The following RBFOX1 variants were observed in gnomAD, a reference collection of about 807,000 sequenced individuals.
The protein encoded by RBFOX1 is RNA binding fox-1 homolog 1.
RBFOX1 carries 8 observed loss-of-function variants against 57.7 expected under a neutral mutation model. The ratio of observed to expected loss-of-function variants is 0.14; its 90% CI spans 0.08 to 0.25. RBFOX1 has a LOEUF of 0.25. Ranked by LOEUF, RBFOX1 falls within the 10% of genes least tolerant of loss-of-function variation. The probability of loss-of-function intolerance (pLI) is 1.00; values close to 1 mark genes in which losing one functional copy is unlikely to be tolerated. For synonymous variants in RBFOX1, 326 were observed against 222.4 expected (o/e 1.47, Z -4.15); for missense variants, 611 against 548.5 (o/e 1.11, Z -1.14).
chr16:6,544,157 C>A (rs2096862765), intron 2 of RBFOX1, among the ~76,000 whole-genome samples: 1 of 152,156 alleles, frequency 6.6e-6, no homozygotes, highest in African/African-American at 2.4e-5. Context: ...CGAGTAACTT[C>A]CACGGTGCTC....
chr16:5,786,406 G>T (rs1343242964), intron 3 of RBFOX1, among the ~76,000 whole-genome samples: 1 of 151,970 alleles, frequency 6.6e-6, no homozygotes, highest in Non-Finnish European at 1.5e-5. Flanking sequence ...GCTGCTTCTT[G>T]GTGTGTCTCT....
chr16:7,542,425 C>G (rs2083195917), intron 5 of RBFOX1, among the ~76,000 whole-genome samples: 1 of 151,832 alleles, frequency 6.6e-6, no homozygotes, highest in Non-Finnish European at 1.5e-5. Flanking sequence ...GTTGATTTAC[C>G]CAAACGGGTG....
chr16:6,191,192 C>G (rs1488237216), intron 1 of RBFOX1, among the ~76,000 whole-genome samples: 2 of 148,010 alleles, frequency 1.4e-5, no homozygotes, highest in African/African-American at 5.0e-5. Context: ...GCCTCCATTG[C>G]TGAACTTGGC....
rs964042571 is a variant in RBFOX1 at position 6,251,556 on chromosome 16, T to C, written c.-126-65439T>C. Among the ~76,000 whole-genome samples the C allele has an allele frequency of 2.0e-5, 3 of 151,926 alleles. 1 individual carries two copies. The highest frequency in any genetic ancestry group is 4.2e-4 in the South Asian group (2 of 4,806). ...CAGTATGATAGAAAAATATACTGCT[T>C]TGCTAAAGCCTCCCCCTACCCCTTG... On this transcript the variant is annotated intron_variant, in intron 1 of 15. Transcript: ENST00000550418.
chr16:7,058,660 G>A (rs1263287080), intron 4 of RBFOX1, among the ~76,000 whole-genome samples: 1 of 152,070 alleles, frequency 6.6e-6, no homozygotes, highest in Non-Finnish European at 1.5e-5. Context: ...TGCATATGAG[G>A]TTGTTAGAAA....
chr16:5,768,647 T>A (rs1406885379), intron 3 of RBFOX1, among the ~76,000 whole-genome samples: 4 of 152,174 alleles, frequency 2.6e-5, no homozygotes, highest in Admixed American at 2.6e-4. Flanking sequence ...TTCTGTGCAT[T>A]CCTCTTGCAT....
intron 2 of RBFOX1, among the ~76,000 whole-genome samples, chr16:6,544,785 G>A (rs1322154878): frequency 6.6e-6 from 1 of 152,142 alleles, no homozygotes; most frequent in African/African-American, 2.4e-5. Flanking sequence ...TGTGAAAATT[G>A]AATGATGCTG....
intron 1 of RBFOX1, among the ~76,000 whole-genome samples, chr16:5,268,026 C>G (rs1008128353): frequency 2.6e-5 from 4 of 151,940 alleles, no homozygotes; most frequent in African/African-American, 4.8e-5. Flanking sequence ...TTGCAGTGAG[C>G]TGAGATCACA....
At chr16:6,519,718 A>T (rs2153799183) in intron 2 of RBFOX1, among the ~76,000 whole-genome samples, 1 of 152,262 alleles carries the variant, frequency 6.6e-6, no homozygotes, top group Non-Finnish European at 1.5e-5. Context: ...ATAATAGAAG[A>T]AAACTCTGCG....
chr16:6,366,074 G>A lies in RBFOX1; in HGVS notation c.-64+49017G>A, dbSNP rs80183161. ...TTCATATGGTCTCTGGTCGAGAATG[G>A]TGGCCATTCTATGTGTGTGTGTGTG... On this transcript the variant is annotated intron_variant, in intron 2 of 15. Transcript: ENST00000550418. 1.7e-3 allele frequency among the ~76,000 whole-genome samples: 247 copies of A among 142,914 alleles called. 3 individuals are homozygous for A. Among genetic ancestry groups the A allele is most frequent in the African/African-American group, 6.6e-3 (243 of 37,048 alleles). The allele number at this position is 142,914 out of a possible 152,430, so 93.8% of individuals were successfully genotyped here.
intron 3 of RBFOX1, among the ~76,000 whole-genome samples, chr16:6,695,752 C>G (rs76505345): frequency 1.3e-5 from 2 of 152,212 alleles, no homozygotes; most frequent in East Asian, 1.9e-4. Flanking sequence ...CATGAATCCT[C>G]TCTGTACTTC....
At chr16:7,622,168 G>A (rs1231649678) in intron 10 of RBFOX1, among the ~76,000 whole-genome samples, 2 of 152,068 alleles carry the variant, frequency 1.3e-5, no homozygotes, top group Non-Finnish European at 2.9e-5. Flanking sequence ...TAGAACCATG[G>A]GTCCAGGAAT....
At chr16:5,767,509 C>T (rs1024356078) in intron 3 of RBFOX1, among the ~76,000 whole-genome samples, 2 of 152,064 alleles carry the variant, frequency 1.3e-5, no homozygotes, top group South Asian at 2.1e-4. Flanking sequence ...GGTTCAGAGC[C>T]CCTGTGCAGA....
chr16:6,899,154 T>C (rs2067802071), intron 3 of RBFOX1, among the ~76,000 whole-genome samples: 1 of 145,632 alleles, frequency 6.9e-6, no homozygotes, highest in Non-Finnish European at 1.6e-5. Context: ...GACACACGTG[T>C]ATGTAACATG....
In RBFOX1 at chr16:5,684,459, C is replaced by G. The variant is rs146964347; in HGVS notation, c.318+85498C>G. ...CTGCAACTCCCACGTGGCACCAGCTCTCCTCTGTAGAGCCACTGACTGTTC... is the reference window on the plus strand; with the variant it reads ...CTGCAACTCCCACGTGGCACCAGCTGTCCTCTGTAGAGCCACTGACTGTTC... On this transcript the variant is annotated intron_variant, in intron 3 of 19. Transcript: ENST00000641259. Among the ~76,000 whole-genome samples the G allele has an allele frequency of 5.4e-4, 82 of 152,184 alleles. 1 individual carries two copies. The highest frequency in any genetic ancestry group is 6.8e-3 in the Middle Eastern group (2 of 294).
rs78040524 is a variant in RBFOX1 at position 5,642,798 on chromosome 16, G to C, written c.318+43837G>C. ...CTGATGGTGTTCTCCCCTGATGTGTGTCTTACCCAGGACTTGGTTACAGAC... is the reference window on the plus strand; with the variant it reads ...CTGATGGTGTTCTCCCCTGATGTGTCTCTTACCCAGGACTTGGTTACAGAC... On this transcript the variant is annotated intron_variant, in intron 3 of 19. Coordinates refer to the RBFOX1 transcript ENST00000641259. 5.6e-3 allele frequency among the ~76,000 whole-genome samples: 851 copies of C among 152,252 alleles called. 4 individuals carry two copies. Among genetic ancestry groups the C allele is most frequent in the Middle Eastern group, 6.8e-3 (2 of 294 alleles).
At chr16:7,111,074 C>G (rs1451624483) in intron 4 of RBFOX1, among the ~76,000 whole-genome samples, 1 of 152,070 alleles carries the variant, frequency 6.6e-6, no homozygotes, top group Non-Finnish European at 1.5e-5. Flanking sequence ...TTTTGAAAAG[C>G]CAAATAACTG....
chr16:5,662,706 A>T (rs1295496597), intron 3 of RBFOX1, among the ~76,000 whole-genome samples: 1 of 152,240 alleles, frequency 6.6e-6, no homozygotes, highest in Non-Finnish European at 1.5e-5. Flanking sequence ...GTTTCTAATA[A>T]GTCACTGATA....
chr16:6,371,896 T>C (rs113517417), intron 2 of RBFOX1, among the ~76,000 whole-genome samples: 226 of 152,372 alleles, frequency 1.5e-3, no homozygotes, highest in African/African-American at 5.2e-3. Context: ...TTACGAGTTA[T>C]CTTTTATCTG....
Sources: gnomAD v4.1 joint callset for allele counts (sites outside exome capture counted in the v4.1 genomes callset) on GRCh38, gnomAD v4.1.1 for gene constraint, MANE v1.5 for transcripts, NCBI Gene and HGNC (gene_info 2026-07-23, HGNC 2026-07-21) for gene names.